EBF1: variants seen among roughly 807,000 people sequenced by gnomAD.
EBF1 encodes EBF transcription factor 1.
In EBF1, 10 loss-of-function variants were observed where a neutral mutation model predicts 68.4. The observed-to-expected ratio is 0.15, with a 90% confidence interval of 0.09 to 0.25. The LOEUF (loss-of-function observed/expected upper bound fraction) is 0.25, where lower values mean the gene tolerates loss of function less well. Ranked by LOEUF, EBF1 falls within the 10% of genes least tolerant of loss-of-function variation. The pLI is 1.00. For missense variants in EBF1, 509 were observed against 794.4 expected (o/e 0.64, Z 4.32); for synonymous variants, 298 against 299.8 (o/e 0.99, Z 0.06).
chr5:158,838,200 C>T (rs1295472374), intron 7 of EBF1, among the ~76,000 whole-genome samples: 2 of 152,088 alleles, frequency 1.3e-5, no homozygotes, highest in East Asian at 1.9e-4. Flanking sequence ...AATTCCAGCA[C>T]TTTGGGAGGC....
intron 1 of EBF1, 142 bp downstream of exon 1, chr5:159,099,203 C>T: frequency 1.8e-6 from 1 of 568,702 alleles, no homozygotes; most frequent in East Asian, 4.0e-5. Context: ...CGCGGAGCCC[C>T]GGCGGAGAGC....
In EBF1 at chr5:158,755,763, A is replaced by G. The variant is rs1396541757; in HGVS notation, c.1036+21650T>C. On this transcript the variant is annotated intron_variant, in intron 10 of 15. Transcript: ENST00000313708. ...TGGAGGGAGAGGGGCTTCATGGAAA[A>G]TGGTTGCCATGATAGGATTTGGGGA... Among the ~76,000 whole-genome samples, 3 of 152,068 alleles carry G rather than the reference A, an allele frequency of 2.0e-5. No homozygotes were observed. The East Asian group carries it at 5.8e-4, about 29-fold the overall frequency.
At chr5:158,722,694 A>G (rs1762178944) in intron 11 of EBF1, among the ~76,000 whole-genome samples, 1 of 152,342 alleles carries the variant, frequency 6.6e-6, no homozygotes, top group Non-Finnish European at 1.5e-5. Flanking sequence ...GTAAATGATA[A>G]TTCTCAAGCC....
chr5:158,885,157 C>T (rs779539619), intron 6 of EBF1, among the ~76,000 whole-genome samples: 3 of 152,214 alleles, frequency 2.0e-5, no homozygotes, highest in Non-Finnish European at 2.9e-5. Flanking sequence ...AGGCTGACCA[C>T]TGAAGACACA....
At chr5:159,059,091 C>T (rs984889167) in intron 6 of EBF1, among the ~76,000 whole-genome samples, 3 of 152,180 alleles carry the variant, frequency 2.0e-5, no homozygotes, top group Admixed American at 6.5e-5. Flanking sequence ...TGTAGCCCAA[C>T]GGGTGTCCGT....
intron 11 of EBF1, among the ~76,000 whole-genome samples, chr5:158,729,526 G>A (rs905505094): frequency 3.3e-5 from 5 of 152,106 alleles, no homozygotes; most frequent in South Asian, 4.1e-4. Flanking sequence ...GGAAATGCAC[G>A]GGACCATGTT....
chr5:158,791,815 C>T (rs1186274983), intron 9 of EBF1, among the ~76,000 whole-genome samples: 1 of 152,104 alleles, frequency 6.6e-6, no homozygotes, highest in Non-Finnish European at 1.5e-5. Flanking sequence ...TTATGTAACT[C>T]TCTAATTTGC....
At chr5:158,904,907 A>G (rs1562263640) in intron 6 of EBF1, among the ~76,000 whole-genome samples, 1 of 152,188 alleles carries the variant, frequency 6.6e-6, no homozygotes, top group East Asian at 1.9e-4. Flanking sequence ...TCCAGCATTA[A>G]GACAACAATG....
At chr5:158,706,400 T>G (rs1200444992) in intron 15 of EBF1, among the ~76,000 whole-genome samples, 1 of 152,106 alleles carries the variant, frequency 6.6e-6, no homozygotes, top group Admixed American at 6.5e-5. Flanking sequence ...ACATGGCTTG[T>G]GTTCCAGTTT....
intron 6 of EBF1, among the ~76,000 whole-genome samples, chr5:158,841,374 G>T (rs1448006693): frequency 1.3e-5 from 2 of 152,184 alleles, no homozygotes; most frequent in African/African-American, 4.8e-5. Context: ...TTTGGGAAAA[G>T]AAGTATTTCC....
At position 158,697,601 on chromosome 5, in the gene EBF1, A is replaced by T. The variant is rs1403693577; in HGVS notation, c.*1510T>A. On this transcript the variant is annotated 3_prime_UTR_variant, in exon 16 of 16. Transcript: ENST00000313708. Reference sequence around the variant, plus strand: ...ATTTTACAAAATCCCCTTTAAAACAAAAAGCCTTTTAATTAACTTTGCAAG... The same window carrying T: ...ATTTTACAAAATCCCCTTTAAAACATAAAGCCTTTTAATTAACTTTGCAAG... The T allele has an allele frequency of 4.9e-6, 1 of 205,284 alleles. No individual in the cohort carries two copies. 12.7% of individuals were successfully genotyped at this position (205,284 alleles called of 1,614,324 possible). A position where few individuals can be genotyped will look rare whatever the true frequency, so the allele number is the denominator to read the frequency against.
chr5:158,731,424 A>T (rs1764066746), intron 10 of EBF1, among the ~76,000 whole-genome samples: 1 of 152,214 alleles, frequency 6.6e-6, no homozygotes, highest in Non-Finnish European at 1.5e-5. Context: ...TCCTTACATG[A>T]TCATAAATAG....
Position 158,696,045 on chromosome 5 carries a change from A to G in EBF1, c.*3066T>C, listed in dbSNP as rs1755712673. ...AGTAGTTAGGTTCTCTAACAATTGA[A>G]CTGTACAGTGTGTGTCTATTCAAAA... is the stretch of plus-strand genomic sequence containing the variant. On this transcript the variant is annotated 3_prime_UTR_variant, in exon 16 of 16. Transcript: ENST00000313708. 4.9e-6 allele frequency: 1 copy of G among 205,440 alleles called. No homozygotes were observed. Among genetic ancestry groups the G allele is most frequent in the Non-Finnish European group, 1.0e-5 (1 of 100,318 alleles). 12.7% of individuals were successfully genotyped at this position (205,440 alleles called of 1,614,324 possible). A position where few individuals can be genotyped will look rare whatever the true frequency, so the allele number is the denominator to read the frequency against.
rs140201123 is a variant in EBF1 at position 158,949,563 on chromosome 5, G to T, written c.555-109453C>A. Among the ~76,000 whole-genome samples the T allele has an allele frequency of 4.6e-4, 70 of 152,226 alleles. 1 individual carries two copies. Among genetic ancestry groups the T allele is most frequent in the African/African-American group, 1.6e-3 (68 of 41,538 alleles). On this transcript the variant is annotated intron_variant, in intron 6 of 15. Transcript: ENST00000313708. ...ATCACAATAGACAAACTATGTTCAG[G>T]CTTTTTCCAAAAGAGGCCACTTCAA...
chr5:158,901,006 C>T (rs1583012637), intron 6 of EBF1, among the ~76,000 whole-genome samples: 1 of 152,180 alleles, frequency 6.6e-6, no homozygotes, highest in East Asian at 1.9e-4. Context: ...AAGAATGTCC[C>T]TCAGATTCTG....
At chr5:159,078,158 A>G (rs1779123968) in intron 5 of EBF1, among the ~76,000 whole-genome samples, 1 of 152,196 alleles carries the variant, frequency 6.6e-6, no homozygotes, top group South Asian at 2.1e-4. Flanking sequence ...GTGGCTTCCT[A>G]GAGCCGAGCA....
At chr5:159,076,387 C>T (rs1778784867) in intron 5 of EBF1, among the ~76,000 whole-genome samples, 1 of 152,126 alleles carries the variant, frequency 6.6e-6, no homozygotes, top group African/African-American at 2.4e-5. Context: ...AACAAACCAC[C>T]TCCCCCAAGC....
At chr5:158,917,366 G>A (rs922360255) in intron 6 of EBF1, among the ~76,000 whole-genome samples, 9 of 152,056 alleles carry the variant, frequency 5.9e-5, no homozygotes, top group Non-Finnish European at 1.0e-4. Context: ...TATAACACTC[G>A]GAGGATTTCT....
chr5:158,752,797 G>A (rs761795863), intron 10 of EBF1, among the ~76,000 whole-genome samples: 7 of 152,038 alleles, frequency 4.6e-5, no homozygotes, highest in Middle Eastern at 3.4e-3. Context: ...TAAGTTATCC[G>A]TGTCACATTT....
Sources: gnomAD v4.1 joint callset for allele counts (sites outside exome capture counted in the v4.1 genomes callset) on GRCh38, gnomAD v4.1.1 for gene constraint, MANE v1.5 for transcripts, NCBI Gene and HGNC (gene_info 2026-07-23, HGNC 2026-07-21) for gene names.